MSI2: variants seen among roughly 807,000 people sequenced by gnomAD.
The protein encoded by MSI2 is RNA-binding protein Musashi homolog 2.
A neutral mutation model predicts 45.6 loss-of-function variants in MSI2; 17 were observed. The ratio of observed to expected loss-of-function variants is 0.37; its 90% CI spans 0.26 to 0.56. MSI2 has a LOEUF of 0.56. MSI2 is among the 20% of genes least tolerant of loss of function. MSI2 has a pLI of 0.77. For missense variants in MSI2, 293 were observed against 444.2 expected, an observed-to-expected ratio of 0.66 and a Z score of 3.06; for synonymous variants, 156 against 158.2, an observed-to-expected ratio of 0.99 and a Z score of 0.11.
intron 9 of MSI2, chr17:57,626,656 GCCT>G (rs1567945161): frequency 6.5e-6 from 1 of 154,754 alleles, no homozygotes; most frequent in Non-Finnish European, 1.4e-5. Context: ...AACACATCCA[GCCT>G]CTCACCATTC....
chr17:57,440,087 G>C (rs2084768818), intron 6 of MSI2, among the ~76,000 whole-genome samples: 1 of 152,046 alleles, frequency 6.6e-6, no homozygotes. Context: ...CCAGTCACTT[G>C]TGGTGTTTTG....
intron 5 of MSI2, among the ~76,000 whole-genome samples, chr17:57,298,498 C>T (rs1224741225): frequency 6.6e-6 from 1 of 152,064 alleles, no homozygotes; most frequent in Non-Finnish European, 1.5e-5. Context: ...ACCAGCCTGG[C>T]CAACATGGTG....
chr17:57,417,059 G>T (rs2084308229), intron 6 of MSI2, among the ~76,000 whole-genome samples: 1 of 152,136 alleles, frequency 6.6e-6, no homozygotes, highest in African/African-American at 2.4e-5. Context: ...TCACTGCGAG[G>T]TGGGGACGGT....
At chr17:57,378,643 T>TAGGC (rs774837057) in intron 5 of MSI2, among the ~76,000 whole-genome samples, 5 of 152,186 alleles carry the variant, frequency 3.3e-5, no homozygotes, top group Admixed American at 6.5e-5. Flanking sequence ...GCCATCCGCC[T>TAGGC]GCCTCAGCCT....
rs971380956 is a variant in MSI2, at chr17:57,280,425, A to G, written c.312+18233A>G. Among the ~76,000 whole-genome samples, 1 of 152,188 alleles carries G rather than the reference A, an allele frequency of 6.6e-6. No homozygotes were observed. Among genetic ancestry groups the G allele is most frequent in the Non-Finnish European group, 1.5e-5 (1 of 68,034 alleles). On this transcript the variant is annotated intron_variant, in intron 5 of 13. Transcript: ENST00000284073. This position sits in a 1 kb window ranked among gnomAD's most constrained non-coding sequence, Gnocchi z 4.2. The stretch of plus-strand genomic sequence containing the variant: ...GCTGCTTAGCTGAGTTCTTGGAGGT[A>G]GTGATGGAGACCAGTGGATGGATTT...
At chr17:57,608,641 C>T (rs1001617251) in intron 8 of MSI2, among the ~76,000 whole-genome samples, 5 of 152,256 alleles carry the variant, frequency 3.3e-5, no homozygotes, top group East Asian at 1.9e-4. Flanking sequence ...TCTTTGTTGC[C>T]GTCTTGCAAA....
At chr17:57,487,142 C>T (rs2085770537) in intron 6 of MSI2, among the ~76,000 whole-genome samples, 1 of 152,146 alleles carries the variant, frequency 6.6e-6, no homozygotes, top group Non-Finnish European at 1.5e-5. Context: ...CTTCAGATCA[C>T]GGGGTGAGGG....
chr17:57,449,690 T>C (rs1253674154), intron 6 of MSI2: 1 of 152,196 alleles, frequency 6.6e-6, no homozygotes, highest in Non-Finnish European at 1.5e-5. Context: ...TTTTTCCCTT[T>C]CCGTGCTATA....
At chr17:57,574,865 C>G (rs1421916121) in intron 7 of MSI2, among the ~76,000 whole-genome samples, 4 of 139,748 alleles carry the variant, frequency 2.9e-5, no homozygotes, top group Non-Finnish European at 6.0e-5. Flanking sequence ...GAGTCTCGCT[C>G]TGTCGCCCAG....
intron 10 of MSI2, among the ~76,000 whole-genome samples, chr17:57,650,614 A>G (rs982803808): frequency 2.6e-5 from 4 of 151,952 alleles, no homozygotes; most frequent in Non-Finnish European, 5.9e-5. Flanking sequence ...CCATACATTT[A>G]TTTCACCTGG....
intron 7 of MSI2, among the ~76,000 whole-genome samples, chr17:57,556,920 T>C (rs1156688135): frequency 6.6e-6 from 1 of 152,216 alleles, no homozygotes; most frequent in Non-Finnish European, 1.5e-5. Flanking sequence ...TATTTGGTGT[T>C]TAGTAATGCA....
At chr17:57,356,253 T>A (rs1463264676) in intron 5 of MSI2, among the ~76,000 whole-genome samples, 2 of 152,188 alleles carry the variant, frequency 1.3e-5, no homozygotes, top group African/African-American at 2.4e-5. Context: ...TACCCACACA[T>A]ACCAGATCTC....
intron 13 of MSI2, among the ~76,000 whole-genome samples, chr17:57,678,343 G>C (rs866056800): frequency 6.6e-6 from 1 of 152,200 alleles, no homozygotes; most frequent in Middle Eastern, 3.2e-3. Flanking sequence ...GCCATTGCTG[G>C]CCAGAGCCAG....
chr17:57,396,413 C>CCACACACACACACA lies in MSI2; in HGVS notation c.313-4957_313-4944dup, dbSNP rs55688182. Among the ~76,000 whole-genome samples, 70 of 150,184 alleles carry CCACACACACACACA rather than the reference C, an allele frequency of 4.7e-4. 1 individual carries two copies. Among genetic ancestry groups the CCACACACACACACA allele is most frequent in the African/African-American group, 1.6e-3 (66 of 40,950 alleles). ...ACACAAAACACACACAGCACACACA[C>CCACACACACACACA]CACACACACACACACACACACATCC... is the stretch of plus-strand genomic sequence containing the variant. On this transcript the variant is annotated intron_variant, in intron 5 of 13. Coordinates refer to ENST00000284073, the MANE Select transcript of MSI2 (RefSeq NM_138962.4).
intron 6 of MSI2, among the ~76,000 whole-genome samples, chr17:57,503,581 T>C (rs144613039): frequency 2.6e-5 from 4 of 152,340 alleles, no homozygotes; most frequent in Non-Finnish European, 4.4e-5. Context: ...ACTCCAGGTC[T>C]TTAAAGTTCC....
intron 7 of MSI2, among the ~76,000 whole-genome samples, chr17:57,583,834 G>A (rs1436310619): frequency 1.3e-5 from 2 of 152,074 alleles, no homozygotes; most frequent in African/African-American, 4.8e-5. Flanking sequence ...ACAGATGCTG[G>A]GGTGCTACCC....
chr17:57,495,218 G>T (rs571262846), intron 6 of MSI2, among the ~76,000 whole-genome samples: 1 of 152,144 alleles, frequency 6.6e-6, no homozygotes, highest in Non-Finnish European at 1.5e-5. Context: ...AGAACCTGGG[G>T]ATCCTCACAG....
chr17:57,613,053 G>A (rs544237728), intron 8 of MSI2, among the ~76,000 whole-genome samples: 1 of 152,232 alleles, frequency 6.6e-6, no homozygotes, highest in South Asian at 2.1e-4. Flanking sequence ...GGATGAGTTT[G>A]TTGTTTTCAA....
At chr17:57,604,552 T>C (rs756123353) in intron 8 of MSI2, among the ~76,000 whole-genome samples, 21 of 152,028 alleles carry the variant, frequency 1.4e-4, no homozygotes, top group Non-Finnish European at 2.6e-4. Context: ...GAGATGTGAT[T>C]GTCTAGGTCC....
Sources: allele counts gnomAD v4.1 joint callset (sites outside exome capture counted in the v4.1 genomes callset), GRCh38; gene constraint gnomAD v4.1.1; non-coding constraint Gnocchi (gnomAD v3.1); transcripts MANE v1.5; gene names NCBI Gene and HGNC (gene_info 2026-07-23, HGNC 2026-07-21).